CACNG2: variants seen among roughly 807,000 people sequenced by gnomAD.
The protein encoded by CACNG2 is voltage-dependent calcium channel gamma-2 subunit.
CACNG2 carries 3 observed loss-of-function variants against 25.9 expected under a neutral mutation model. That is an observed-to-expected ratio of 0.12 (90% CI 0.05 to 0.30). The LOEUF is 0.30. CACNG2 is among the 10% of genes least tolerant of loss of function. The pLI is 1.00. For synonymous variants in CACNG2, 167 were observed against 173.3 expected (o/e 0.96, Z 0.29); for missense variants, 341 against 432.5 (o/e 0.79, Z 1.88).
chr22:36,641,701 A>G (rs1276888069), intron 1 of CACNG2, among the ~76,000 whole-genome samples: 1 of 152,216 alleles, frequency 6.6e-6, no homozygotes, highest in Non-Finnish European at 1.5e-5. Flanking sequence ...TCATTCTAAT[A>G]ATATGAACAG....
At chr22:36,581,790 G>A (rs186977539) in intron 2 of CACNG2, among the ~76,000 whole-genome samples, 84 of 152,266 alleles carry the variant, frequency 5.5e-4, no homozygotes, top group Admixed American at 3.9e-3. Context: ...TGCCAACAAC[G>A]TGAAAACTCA....
At chr22:36,609,668 C>A (rs1320061414) in intron 1 of CACNG2, among the ~76,000 whole-genome samples, 1 of 85,990 alleles carries the variant, frequency 1.2e-5, no homozygotes, top group Non-Finnish European at 2.1e-5. Context: ...CCCCCCAGAG[C>A]GTGATCGGGC....
chr22:36,670,838 G>T (rs1936939261), intron 1 of CACNG2, among the ~76,000 whole-genome samples: 1 of 151,956 alleles, frequency 6.6e-6, no homozygotes, highest in African/African-American at 2.4e-5. Context: ...TCTCTGAAGG[G>T]GAAACTGAGG....
intron 1 of CACNG2, among the ~76,000 whole-genome samples, chr22:36,679,574 T>C (rs1937070014): frequency 6.6e-6 from 1 of 152,204 alleles, no homozygotes; most frequent in Non-Finnish European, 1.5e-5. Context: ...TTAAGTTCTA[T>C]CAACGTTGGG....
chr22:36,698,503 T>C (rs2146020949), intron 1 of CACNG2, among the ~76,000 whole-genome samples: 1 of 152,272 alleles, frequency 6.6e-6, no homozygotes, highest in East Asian at 1.9e-4. Flanking sequence ...AAGAGAGCCA[T>C]GGCTGAGCCG....
intron 1 of CACNG2, among the ~76,000 whole-genome samples, chr22:36,605,860 C>T (rs201344551): frequency 1.2e-4 from 18 of 152,222 alleles, no homozygotes; most frequent in Admixed American, 5.9e-4. Flanking sequence ...CTATGGGAAC[C>T]GCATGCACTT....
intron 1 of CACNG2, among the ~76,000 whole-genome samples, chr22:36,660,553 G>A (rs1012878691): frequency 6.6e-6 from 1 of 152,264 alleles, no homozygotes; most frequent in Non-Finnish European, 1.5e-5. Flanking sequence ...TGAGCACACT[G>A]CGCTGAGCTC....
At chr22:36,588,312 T>C (rs2145922694) in intron 1 of CACNG2, among the ~76,000 whole-genome samples, 1 of 152,254 alleles carries the variant, frequency 6.6e-6, no homozygotes, top group Non-Finnish European at 1.5e-5. Context: ...CTCTAAATGT[T>C]TCCTCGGTGC....
chr22:36,563,802 C>T lies in CACNG2; in HGVS notation c.*549G>A, dbSNP rs1306999271. 2.7e-5 allele frequency: 4 copies of T among 150,498 alleles called. No homozygotes were observed. The highest frequency in any genetic ancestry group is 6.6e-5 in the Admixed American group (1 of 15,136). 9.3% of individuals were successfully genotyped at this position (150,498 alleles called of 1,614,324 possible). A position where few individuals can be genotyped will look rare whatever the true frequency, so the allele number is the denominator to read the frequency against. Reference sequence around the variant, plus strand: ...CCCAATCTCCCAGGGAGGCAGGGCCCGCTGGGGGTTAAAGGGAACAGAAAA... The same window carrying T: ...CCCAATCTCCCAGGGAGGCAGGGCCTGCTGGGGGTTAAAGGGAACAGAAAA... On this transcript the variant is annotated 3_prime_UTR_variant, in exon 4 of 4. Coordinates refer to ENST00000300105, the MANE Select transcript of CACNG2 (RefSeq NM_006078.5).
At chr22:36,636,680 T>TGG (rs1936362418) in intron 1 of CACNG2, among the ~76,000 whole-genome samples, 2 of 152,246 alleles carry the variant, frequency 1.3e-5, no homozygotes, top group African/African-American at 4.8e-5. Context: ...CTCGTTTATT[T>TGG]AACAAGTCTC....
At chr22:36,619,833 G>A (rs562494335) in intron 1 of CACNG2, among the ~76,000 whole-genome samples, 1 of 152,354 alleles carries the variant, frequency 6.6e-6, no homozygotes, top group Non-Finnish European at 1.5e-5. Context: ...ATTTTAATCT[G>A]AGGGTCGATT....
chr22:36,657,915 C>T (rs1411242297), intron 1 of CACNG2, among the ~76,000 whole-genome samples: 3 of 151,946 alleles, frequency 2.0e-5, no homozygotes, highest in African/African-American at 7.3e-5. Context: ...CCGTTCACTC[C>T]CAAGCTCTCC....
In CACNG2 at chr22:36,702,487, G is replaced by A; in HGVS notation, c.90C>T (p.Thr30=). The A allele has an allele frequency of 6.2e-7, 1 of 1,614,004 alleles. No individual in the cohort carries two copies. The highest frequency in any genetic ancestry group is 8.5e-7 in the Non-Finnish European group (1 of 1,179,954). Residue 30 remains threonine (T), a synonymous_variant, in exon 1 of 4, where the codon ACC becomes ACT. Coordinates refer to ENST00000300105, the MANE Select transcript of CACNG2 (RefSeq NM_006078.5). The stretch of plus-strand genomic sequence containing the variant: ...CCCCTCTGGAGTAGAGCCAATAGTC[G>A]GTTCCCACAGCTATGGTCATCAGGC... The part of the protein sequence containing the change: ...AFSLMTIAVG[T]DYWLYSRGVC...
At chr22:36,571,642 C>T (rs1018116298) in intron 2 of CACNG2, among the ~76,000 whole-genome samples, 3 of 151,518 alleles carry the variant, frequency 2.0e-5, no homozygotes, top group Admixed American at 1.3e-4. Context: ...TTTGGGAGGC[C>T]GAGGCTGGTG....
At chr22:36,698,501 C>T (rs1174813304) in intron 1 of CACNG2, among the ~76,000 whole-genome samples, 2 of 152,084 alleles carry the variant, frequency 1.3e-5, no homozygotes, top group African/African-American at 4.8e-5. Context: ...ATAAGAGAGC[C>T]ATGGCTGAGC....
At chr22:36,597,497 G>C (rs957871748) in intron 1 of CACNG2, among the ~76,000 whole-genome samples, 20 of 152,208 alleles carry the variant, frequency 1.3e-4, no homozygotes, top group Non-Finnish European at 5.9e-5. Flanking sequence ...TCCTCACCGA[G>C]GGGGTAAGGG....
chr22:36,647,683 T>C (rs911445255), intron 1 of CACNG2, among the ~76,000 whole-genome samples: 3 of 152,240 alleles, frequency 2.0e-5, no homozygotes, highest in Non-Finnish European at 4.4e-5. Context: ...ATTATCTCAA[T>C]TTGCTGTCCC....
rs1230223772 is a variant in CACNG2, at chr22:36,563,446, G to A, written c.*905C>T. Among the ~76,000 whole-genome samples the A allele has an allele frequency of 6.6e-6, 1 of 152,072 alleles. No homozygotes were observed. The highest frequency in any genetic ancestry group is 1.5e-5 in the Non-Finnish European group (1 of 67,978). On this transcript the variant is annotated 3_prime_UTR_variant, in exon 4 of 4. Transcript: ENST00000300105. The stretch of plus-strand genomic sequence containing the variant: ...CCAAGAGGCTCACCCTGAGGATTCC[G>A]GGGTTTCCGGCATCTTGGTAAGCCA...
intron 1 of CACNG2, among the ~76,000 whole-genome samples, chr22:36,693,363 T>A (rs1338710777): frequency 6.6e-6 from 1 of 152,028 alleles, no homozygotes. Flanking sequence ...TCACTTACAA[T>A]CTCCCTTCTC....
Sources: gnomAD v4.1 joint callset for allele counts (sites outside exome capture counted in the v4.1 genomes callset) on GRCh38, gnomAD v4.1.1 for gene constraint, MANE v1.5 for transcripts, NCBI Gene and HGNC (gene_info 2026-07-23, HGNC 2026-07-21) for gene names.